Variants in PTPRD observed in about 807,000 individuals in gnomAD.
PTPRD encodes the protein protein tyrosine phosphatase receptor type D.
Under a neutral mutation model 214.5 loss-of-function variants are expected in PTPRD, and 34 were observed. The observed-to-expected ratio is 0.16, with a 90% CI of 0.12 to 0.21. The LOEUF (loss-of-function observed/expected upper bound fraction) is 0.21, where lower values mean the gene tolerates loss of function less well. PTPRD is among the 10% of genes least tolerant of loss of function. The pLI, the probability that PTPRD is intolerant of heterozygous loss-of-function variation, is 1.00. For missense variants in PTPRD, 2,545 were observed against 2,398.7 expected (o/e 1.06, Z -1.27); for synonymous variants, 1,128 against 845.7 (o/e 1.33, Z -5.79).
intron 11 of PTPRD, among the ~76,000 whole-genome samples, chr9:8,996,506 C>A (rs187129141): frequency 6.6e-6 from 1 of 152,148 alleles, no homozygotes; most frequent in African/African-American, 2.4e-5. Context: ...ATGAAGGGAT[C>A]TGTGGGGTGC....
chr9:9,277,514 G>A (rs10816085), intron 9 of PTPRD, among the ~76,000 whole-genome samples: 15,127 of 151,226 alleles, frequency 0.1, 990 homozygotes, highest in Middle Eastern at 0.14. Flanking sequence ...ATATGCTATT[G>A]CTTAATTTTT....
chr9:8,946,373 G>T (rs1004479737), intron 11 of PTPRD, among the ~76,000 whole-genome samples: 1 of 152,108 alleles, frequency 6.6e-6, no homozygotes, highest in Non-Finnish European at 1.5e-5. Context: ...CGAGGGTTTT[G>T]TTGGAGTACT....
chr9:9,419,563 C>G (rs1424328958), intron 8 of PTPRD, among the ~76,000 whole-genome samples: 1 of 151,668 alleles, frequency 6.6e-6, no homozygotes, highest in Admixed American at 6.6e-5. Flanking sequence ...AGAAAAGCCC[C>G]AATATGTATA....
intron 8 of PTPRD, among the ~76,000 whole-genome samples, chr9:9,562,651 C>A (rs982007368): frequency 6.6e-6 from 1 of 151,186 alleles, no homozygotes; most frequent in Non-Finnish European, 1.5e-5. Context: ...CAATTAGACC[C>A]CTCTCCTTCA....
chr9:9,953,885 C>G (rs2093668667), intron 4 of PTPRD, among the ~76,000 whole-genome samples: 1 of 152,164 alleles, frequency 6.6e-6, no homozygotes, highest in African/African-American at 2.4e-5. Flanking sequence ...CTCAATGTTG[C>G]AACTAGCCTT....
intron 3 of PTPRD, among the ~76,000 whole-genome samples, chr9:10,337,851 CA>C (rs1306518812): frequency 6.6e-6 from 1 of 151,654 alleles, no homozygotes; most frequent in Non-Finnish European, 1.5e-5. Flanking sequence ...ACCCGTATAA[CA>C]TTTTTTTCAG....
At chr9:9,884,832 C>T (rs573392448) in intron 5 of PTPRD, among the ~76,000 whole-genome samples, 14 of 152,116 alleles carry the variant, frequency 9.2e-5, no homozygotes, top group African/African-American at 2.2e-4. Flanking sequence ...TGAAGAAGGA[C>T]GTGTTTGTTT....
intron 2 of PTPRD, among the ~76,000 whole-genome samples, chr9:10,521,643 C>T (rs774314881): frequency 1.3e-5 from 2 of 152,100 alleles, no homozygotes; most frequent in Middle Eastern, 3.2e-3. Flanking sequence ...TTTTAAGACA[C>T]TGCCACAGCC....
intron 44 of PTPRD, among the ~76,000 whole-genome samples, chr9:8,325,696 T>C (rs1399985414): frequency 6.6e-6 from 1 of 152,104 alleles, no homozygotes; most frequent in Non-Finnish European, 1.5e-5. Flanking sequence ...TTTCACGATA[T>C]TGATTCTTCC....
At chr9:9,459,538 T>C (rs1007155096) in intron 8 of PTPRD, among the ~76,000 whole-genome samples, 3 of 152,048 alleles carry the variant, frequency 2.0e-5, no homozygotes, top group African/African-American at 7.2e-5. Context: ...CAAAAATCAA[T>C]TCCATTTCTG....
intron 12 of PTPRD, chr9:8,713,681 T>A: frequency 6.6e-7 from 1 of 1,512,352 alleles, no homozygotes. Flanking sequence ...GCCCACTCCA[T>A]TCAGATCATG....
intron 5 of PTPRD, among the ~76,000 whole-genome samples, chr9:9,891,732 G>C (rs1287614439): frequency 6.6e-6 from 1 of 151,986 alleles, no homozygotes; most frequent in Non-Finnish European, 1.5e-5. Context: ...GATGTTTTAA[G>C]AATAGTATGA....
chr9:8,434,019 T>C (rs774023828), intron 35 of PTPRD, among the ~76,000 whole-genome samples: 2 of 152,272 alleles, frequency 1.3e-5, no homozygotes, highest in South Asian at 2.1e-4. Flanking sequence ...TTCACTCTTG[T>C]CACCCAGGCT....
At chr9:9,535,415 C>T (rs2076310218) in intron 8 of PTPRD, among the ~76,000 whole-genome samples, 1 of 151,982 alleles carries the variant, frequency 6.6e-6, no homozygotes, top group Non-Finnish European at 1.5e-5. Flanking sequence ...AACCTATTAC[C>T]ATCTTCAATT....
chr9:8,738,086 T>A (rs1020809296), intron 11 of PTPRD, among the ~76,000 whole-genome samples: 21 of 152,210 alleles, frequency 1.4e-4, no homozygotes, highest in Admixed American at 1.2e-3. Flanking sequence ...ATAATTTTGC[T>A]GAATTCCAAT....
intron 8 of PTPRD, among the ~76,000 whole-genome samples, chr9:9,537,721 C>T (rs2076802927): frequency 6.6e-6 from 1 of 151,762 alleles, no homozygotes; most frequent in African/African-American, 2.4e-5. Context: ...TTCTCACAAA[C>T]CTCACTGTTA....
At chr9:10,417,436 T>A (rs562766262) in intron 2 of PTPRD, among the ~76,000 whole-genome samples, 10 of 152,008 alleles carry the variant, frequency 6.6e-5, no homozygotes, top group African/African-American at 2.4e-4. Context: ...TCTGTGCTCT[T>A]TCTTCATAAC....
At chr9:9,262,904 A>G (rs1254874797) in intron 9 of PTPRD, among the ~76,000 whole-genome samples, 1 of 151,586 alleles carries the variant, frequency 6.6e-6, no homozygotes, top group Non-Finnish European at 1.5e-5. Flanking sequence ...AAAATTATTC[A>G]TCTTACTTAG....
At chr9:9,900,762 G>A (rs527388684) in intron 5 of PTPRD, among the ~76,000 whole-genome samples, 17 of 151,140 alleles carry the variant, frequency 1.1e-4, no homozygotes, top group South Asian at 6.3e-4. Context: ...TCAGCCTCCC[G>A]AGTAGCTGGA....
Sources: gnomAD v4.1 joint callset for allele counts (sites outside exome capture counted in the v4.1 genomes callset) on GRCh38, gnomAD v4.1.1 for gene constraint, MANE v1.5 for transcripts, NCBI Gene and HGNC (gene_info 2026-07-23, HGNC 2026-07-21) for gene names.